The following OTOG variants were observed in gnomAD, a reference collection of about 807,000 sequenced individuals.
OTOG encodes otogelin.
In OTOG, 296 loss-of-function variants were observed where a neutral mutation model predicts 313.8. The observed-to-expected ratio is 0.94, with a 90% CI of 0.86 to 1.04. The LOEUF (loss-of-function observed/expected upper bound fraction) is 1.04. Ranked by LOEUF, OTOG falls within the 50% of genes least tolerant of loss-of-function variation. The pLI, the probability that OTOG is intolerant of heterozygous loss-of-function variation, is 0.00. For synonymous variants in OTOG, 1,533 were observed against 1,554.9 expected (o/e 0.99, Z 0.33); for missense variants, 3,948 against 3,840.1 (o/e 1.03, Z -0.74).
Position 17,610,202 on chromosome 11 carries a change from C to A in OTOG, c.4902C>A (p.Pro1634=). 1.9e-6 allele frequency: 3 copies of A among 1,550,510 alleles called. No homozygotes were observed. Among genetic ancestry groups the A allele is most frequent in the Non-Finnish European group, 2.6e-6 (3 of 1,146,910 alleles). ...GHGSLPVRTT[P]PQPSLTASPS... ...GCTCCTTGCCTGTTAGGACGACACC[C>A]CCACAGCCCTCCTTGACAGCAAGTC... is the stretch of plus-strand genomic sequence containing the variant. The change falls in exon 36 of 56, where the codon CCC becomes CCA. Residue 1634 remains proline (P), a synonymous_variant. Coordinates refer to ENST00000399397, the MANE Select transcript of OTOG (RefSeq NM_001292063.2).
intron 49 of OTOG, 75 bp from the exon 50 acceptor site, chr11:17,640,670 G>A (rs1847949004): frequency 2.8e-6 from 4 of 1,449,700 alleles, no homozygotes; most frequent in South Asian, 1.3e-5. Flanking sequence ...GTAGAGAGGG[G>A]CCCAGGTGGC....
chr11:17,634,092 C>T lies in OTOG; in HGVS notation c.7291C>T (p.Pro2431Ser). The change falls in exon 44 of 56, where the codon CCG becomes TCG. Residue 2431 changes from proline (P) to serine (S), a missense_variant. Transcript: ENST00000399397. ...KCACTDSMGVPRALGETWNSS... is the reference protein window; with the variant it reads ...KCACTDSMGVSRALGETWNSS... ...AGCCTGCACTGACAGCATGGGGGTG[C>T]CGAGGGCCCTGGGGGAGACCTGGAA... 2 of 1,546,920 alleles carry T rather than the reference C, an allele frequency of 1.3e-6. No homozygotes were observed. The highest frequency in any genetic ancestry group is 1.7e-6 in the Non-Finnish European group (2 of 1,146,924).
At chr11:17,597,256 G>A (rs1457304443) in intron 30 of OTOG, among the ~76,000 whole-genome samples, 1 of 152,202 alleles carries the variant, frequency 6.6e-6, no homozygotes, top group Non-Finnish European at 1.5e-5. Context: ...GTTAGTGGAG[G>A]AGCCAGGGTT....
intron 20 of OTOG, among the ~76,000 whole-genome samples, chr11:17,575,574 C>T (rs1852505094): frequency 6.6e-6 from 1 of 152,172 alleles, no homozygotes; most frequent in African/African-American, 2.4e-5. Flanking sequence ...GAGGCAGCGA[C>T]CCCACGTGAT....
At chr11:17,580,903 CT>C (rs1396538064) in intron 23 of OTOG, among the ~76,000 whole-genome samples, 2 of 151,940 alleles carry the variant, frequency 1.3e-5, no homozygotes, top group East Asian at 3.9e-4. Context: ...TAAGCATGTG[CT>C]TTTTTTTCTT....
intron 51 of OTOG, 127 bp downstream of exon 51, chr11:17,641,218 C>T: frequency 3.8e-6 from 4 of 1,050,008 alleles, no homozygotes; most frequent in Non-Finnish European, 5.4e-6. Flanking sequence ...GAGGGGCCCT[C>T]AGAAACCTCT....
Position 17,602,339 on chromosome 11 carries a change from T to G in OTOG, c.3839T>G (p.Phe1280Cys). 2 of 1,550,572 alleles carry G rather than the reference T, an allele frequency of 1.3e-6. No individual in the cohort carries two copies. Among genetic ancestry groups the G allele is most frequent in the Non-Finnish European group, 1.7e-6 (2 of 1,146,974 alleles). Residue 1280 changes from phenylalanine to cysteine, a missense_variant, in exon 32 of 56, where the codon TTC becomes TGC. Coordinates refer to ENST00000399397, the MANE Select transcript of OTOG (RefSeq NM_001292063.2). ...GTGGCGCCAGCAGACATTGTGAGCT[T>G]CCTGCTGACAGCTGCTCTGTACAAG... Reference protein sequence around the residue: ...EDVAPADIVSFLLTAALYKAK... With the variant: ...EDVAPADIVSCLLTAALYKAK...
chr11:17,619,905 T>C (rs1261290756), intron 39 of OTOG, among the ~76,000 whole-genome samples: 1 of 152,210 alleles, frequency 6.6e-6, no homozygotes, highest in African/African-American at 2.4e-5. Flanking sequence ...TCGAAAGACT[T>C]CCTTTAACAC....
At chr11:17,575,367 G>A (rs12292609) in intron 20 of OTOG, among the ~76,000 whole-genome samples, 237 of 152,354 alleles carry the variant, frequency 1.6e-3, no homozygotes, top group African/African-American at 5.2e-3. Flanking sequence ...GTTGAGCCAA[G>A]TAAGGCAGAG....
intron 39 of OTOG, among the ~76,000 whole-genome samples, chr11:17,628,738 G>C (rs532399513): frequency 6.6e-6 from 1 of 152,302 alleles, no homozygotes; most frequent in African/African-American, 2.4e-5. Flanking sequence ...TGGGAATTTA[G>C]GGAGACTCTC....
rs1038987088 is a variant in OTOG at position 17,561,697 on chromosome 11, A to G, written c.1534A>G (p.Thr512Ala). 1 of 1,550,406 alleles carries G rather than the reference A, an allele frequency of 6.4e-7. No individual in the cohort carries two copies. The highest frequency in any genetic ancestry group is 1.2e-5 in the South Asian group (1 of 84,052). Residue 512 changes from threonine to alanine, a missense_variant, in exon 15 of 56, where the codon ACC (threonine) becomes GCC (alanine). Physicochemically the swap from Thr to Ala is moderately conservative, Grantham distance 58. Coordinates refer to ENST00000399397, the MANE Select transcript of OTOG (RefSeq NM_001292063.2). Reference protein sequence around the residue: ...CSVTGDIHFTTFDGRRYTFPA... With the variant: ...CSVTGDIHFTAFDGRRYTFPA... Reference sequence around the variant, plus strand: ...AGTGACTGGTGACATTCACTTCACAACCTTTGATGGCCGCCGGTACACGTT... The same window carrying G: ...AGTGACTGGTGACATTCACTTCACAGCCTTTGATGGCCGCCGGTACACGTT...
At chr11:17,575,054 G>A (rs1206513949) in intron 20 of OTOG, 142 bp downstream of exon 20, 9 of 834,024 alleles carry the variant, frequency 1.1e-5, no homozygotes, top group Non-Finnish European at 1.6e-5. Flanking sequence ...GGTGGGTAAG[G>A]TGGGTGGGCT....
chr11:17,634,393 T>G, intron 44 of OTOG, 112 bp downstream of exon 44: 2 of 1,178,672 alleles, frequency 1.7e-6, no homozygotes, highest in Non-Finnish European at 2.4e-6. Flanking sequence ...GCAAAGTGTC[T>G]TGTAGGGGGT....
chr11:17,572,291 G>C (rs1005062404), intron 18 of OTOG, 87 bp downstream of exon 18: 1 of 1,505,682 alleles, frequency 6.6e-7, no homozygotes, highest in Non-Finnish European at 8.9e-7. Context: ...CTCCGGGCAG[G>C]AGAGTGCTGG....
At chr11:17,555,746 G>A (rs1023156072) in intron 6 of OTOG, 33 bp from the exon 7 acceptor site, 8 of 1,520,722 alleles carry the variant, frequency 5.3e-6, no homozygotes, top group Non-Finnish European at 7.1e-6. Context: ...TGTGGCAGGA[G>A]CCTGCAAACC....
chr11:17,560,836 G>A lies in OTOG; in HGVS notation c.1451+19G>A, dbSNP rs1447732420. 2 of 1,540,526 alleles carry A rather than the reference G, an allele frequency of 1.3e-6. No individual in the cohort carries two copies. The highest frequency in any genetic ancestry group is 1.8e-6 in the Non-Finnish European group (2 of 1,137,740). ...ATACTTGGTCTGTGTCTGCTGCCGG[G>A]AAGCAGGGTGTGGGGCATGGCCGCT... On this transcript the variant is annotated intron_variant, in intron 13 of 55. Coordinates refer to ENST00000399397, the MANE Select transcript of OTOG (RefSeq NM_001292063.2).
Position 17,589,770 on chromosome 11 carries a change from A to G in OTOG, c.2868-1680A>G, listed in dbSNP as rs1341454513. 2.0e-5 allele frequency among the ~76,000 whole-genome samples: 3 copies of G among 152,106 alleles called. No individual in the cohort carries two copies. In the East Asian group the frequency reaches 5.8e-4, roughly 29 times the overall value. On this transcript the variant is annotated intron_variant, in intron 24 of 55. Transcript: ENST00000399397. ...CTTTCGGTCAGGCATTTTCCCCATC[A>G]TTCCTTCGAAACTATTCCTACTAAG...
rs562917440 is a variant in OTOG, at chr11:17,640,482, G to A, written c.7936-263G>A. On this transcript the variant is annotated intron_variant, in intron 49 of 55. Coordinates refer to ENST00000399397, the MANE Select transcript of OTOG (RefSeq NM_001292063.2). The stretch of plus-strand genomic sequence containing the variant: ...TCCTCCCTCCTTAACATTGCTGAAG[G>A]AAGGTGAGAAGTAGTGTGAGCCACC... Among the ~76,000 whole-genome samples the A allele has an allele frequency of 3.3e-5, 5 of 152,288 alleles. No homozygotes were observed. The South Asian group carries it at 1.0e-3, about 32-fold the overall frequency.
chr11:17,624,987 G>A (rs1262032031), intron 39 of OTOG, among the ~76,000 whole-genome samples: 1 of 152,148 alleles, frequency 6.6e-6, no homozygotes, highest in Non-Finnish European at 1.5e-5. Context: ...GAATACTAGT[G>A]ATTTCTATAC....
Sources: gnomAD v4.1 joint callset for allele counts (sites outside exome capture counted in the v4.1 genomes callset) on GRCh38, gnomAD v4.1.1 for gene constraint, MANE v1.5 for transcripts, NCBI Gene and HGNC (gene_info 2026-07-23, HGNC 2026-07-21) for gene names.